The following NXPH2 variants were observed in gnomAD, a reference collection of about 807,000 sequenced individuals.
The protein encoded by NXPH2 is neurexophilin 2, also known as neurexophilin-2.
In NXPH2, 5 loss-of-function variants were observed where a neutral mutation model predicts 19.8. That is an observed-to-expected ratio of 0.25 (90% CI 0.13 to 0.53). NXPH2 has a LOEUF of 0.53. Ranked by LOEUF, NXPH2 falls within the 20% of genes least tolerant of loss-of-function variation. The pLI is 0.96. For synonymous variants in NXPH2, 154 were observed against 127.4 expected (o/e 1.21, Z -1.41); for missense variants, 289 against 322.8 (o/e 0.90, Z 0.80).
At chr2:138,679,364 C>T (rs1195840997) in intron 1 of NXPH2, among the ~76,000 whole-genome samples, 1 of 151,908 alleles carries the variant, frequency 6.6e-6, no homozygotes, top group African/African-American at 2.4e-5. Flanking sequence ...ATTGACTCTT[C>T]ACCTACGTGG....
intron 1 of NXPH2, among the ~76,000 whole-genome samples, chr2:138,707,094 CAAAAA>C (rs70982073): frequency 4.3e-4 from 15 of 34,838 alleles, no homozygotes; most frequent in South Asian, 3.1e-3. Flanking sequence ...TGCCCCATGA[CAAAAA>C]AAAAAAAAAA....
chr2:138,680,055 G>T (rs1267166506), intron 1 of NXPH2, among the ~76,000 whole-genome samples: 2 of 151,974 alleles, frequency 1.3e-5, no homozygotes, highest in African/African-American at 4.8e-5. Context: ...AAGAAAAGGA[G>T]GGGCAATGAA....
chr2:138,705,810 A>T (rs4130934), intron 1 of NXPH2, among the ~76,000 whole-genome samples: 6 of 151,890 alleles, frequency 4.0e-5, no homozygotes, highest in Non-Finnish European at 8.8e-5. Flanking sequence ...TTCATAAAAT[A>T]AACATTCATA....
chr2:138,677,992 C>T (rs1680512023), intron 1 of NXPH2, among the ~76,000 whole-genome samples: 1 of 152,188 alleles, frequency 6.6e-6, no homozygotes. Context: ...AAAGTCCATA[C>T]TTTAATTGGA....
At chr2:138,682,811 T>C (rs988027202) in intron 1 of NXPH2, among the ~76,000 whole-genome samples, 2 of 152,204 alleles carry the variant, frequency 1.3e-5, no homozygotes, top group African/African-American at 4.8e-5. Context: ...TTTATCTTGA[T>C]GACAGTAATC....
chr2:138,778,561 T>C, intron 1 of NXPH2, among the ~76,000 whole-genome samples: 1 of 152,182 alleles, frequency 6.6e-6, no homozygotes, highest in East Asian at 1.9e-4. Flanking sequence ...TCACACTGCT[T>C]ACGGAGCAGA....
intron 1 of NXPH2, among the ~76,000 whole-genome samples, chr2:138,740,832 T>C (rs1481999833): frequency 6.6e-6 from 1 of 151,540 alleles, no homozygotes; most frequent in African/African-American, 2.4e-5. Flanking sequence ...GTATTAGGTA[T>C]GAAATGGTAT....
At chr2:138,752,998 C>T (rs1427527025) in intron 1 of NXPH2, among the ~76,000 whole-genome samples, 1 of 152,114 alleles carries the variant, frequency 6.6e-6, no homozygotes, top group Non-Finnish European at 1.5e-5. Context: ...GTATGGCTGT[C>T]AGCTTTCTCC....
chr2:138,778,302 C>T (rs1682297286), intron 1 of NXPH2, among the ~76,000 whole-genome samples: 1 of 152,168 alleles, frequency 6.6e-6, no homozygotes, highest in African/African-American at 2.4e-5. Flanking sequence ...CATTACAACC[C>T]AAGCACAATC....
rs1324674208 is a variant in NXPH2 at position 138,673,643 on chromosome 2, A to ATT, written c.52-1980_52-1979dup. On this transcript the variant is annotated intron_variant, in intron 1 of 1. Coordinates refer to ENST00000272641, the MANE Select transcript of NXPH2 (RefSeq NM_007226.3). The stretch of plus-strand genomic sequence containing the variant: ...TATTTTATTTAAAAAAATGGGATTA[A>ATT]TTTTTTTTTTTTTTTGGTAGAGATG... Among the ~76,000 whole-genome samples, 77 of 142,378 alleles carry ATT rather than the reference A, an allele frequency of 5.4e-4. 1 individual carries two copies. The highest frequency in any genetic ancestry group is 1.6e-3 in the African/African-American group (63 of 38,920). 93.4% of individuals were successfully genotyped at this position (142,378 alleles called of 152,430 possible).
intron 1 of NXPH2, among the ~76,000 whole-genome samples, chr2:138,758,009 G>A (rs531787891): frequency 6.6e-6 from 1 of 152,132 alleles, no homozygotes; most frequent in Non-Finnish European, 1.5e-5. Flanking sequence ...CTGAGAATGA[G>A]AGATGGGGAA....
chr2:138,754,874 A>G (rs922737638), intron 1 of NXPH2, among the ~76,000 whole-genome samples: 1 of 152,042 alleles, frequency 6.6e-6, no homozygotes, highest in Admixed American at 6.6e-5. Flanking sequence ...CTAATCAGTA[A>G]TTGGTATTGT....
chr2:138,699,446 T>C (rs1680884060), intron 1 of NXPH2, among the ~76,000 whole-genome samples: 3 of 152,056 alleles, frequency 2.0e-5, no homozygotes, highest in Non-Finnish European at 4.4e-5. Flanking sequence ...GAATAATTCA[T>C]TAAGAATCAT....
intron 1 of NXPH2, among the ~76,000 whole-genome samples, chr2:138,779,773 C>CTAGA (rs1344766681): frequency 6.6e-6 from 1 of 152,190 alleles, no homozygotes; most frequent in African/African-American, 2.4e-5. Flanking sequence ...CTGTGTGCAT[C>CTAGA]TGGGCAAAAC....
chr2:138,670,829 A>C lies in NXPH2; in HGVS notation c.*93T>G. 2 of 1,372,950 alleles carry C rather than the reference A, an allele frequency of 1.5e-6. No individual in the cohort carries two copies. The highest frequency in any genetic ancestry group is 2.0e-6 in the Non-Finnish European group (2 of 1,016,910). The allele number at this position is 1,372,950 out of a possible 1,614,324, so 85.0% of individuals were successfully genotyped here. Reference sequence around the variant, plus strand: ...GGAACTATTGTTCACTGCCAGAAACAAAAGGGATCCTTTATCATAAAGAGC... The same window carrying C: ...GGAACTATTGTTCACTGCCAGAAACCAAAGGGATCCTTTATCATAAAGAGC... On this transcript the variant is annotated 3_prime_UTR_variant, in exon 2 of 2. Transcript: ENST00000272641.
At chr2:138,708,147 T>A (rs1681045608) in intron 1 of NXPH2, among the ~76,000 whole-genome samples, 1 of 152,206 alleles carries the variant, frequency 6.6e-6, no homozygotes, top group Non-Finnish European at 1.5e-5. Flanking sequence ...ATAAATGTGT[T>A]TAAATCACAG....
intron 1 of NXPH2, among the ~76,000 whole-genome samples, chr2:138,700,052 A>G (rs1288274909): frequency 6.6e-6 from 1 of 152,126 alleles, no homozygotes; most frequent in Non-Finnish European, 1.5e-5. Context: ...TAAGCCATGT[A>G]AGGCAAGTGA....
chr2:138,757,605 C>T (rs2104836986), intron 1 of NXPH2, among the ~76,000 whole-genome samples: 1 of 152,202 alleles, frequency 6.6e-6, no homozygotes, highest in East Asian at 1.9e-4. Context: ...ACTGCCTGCC[C>T]TGTGGAATTC....
At chr2:138,688,836 C>A (rs1304116070) in intron 1 of NXPH2, among the ~76,000 whole-genome samples, 1 of 152,124 alleles carries the variant, frequency 6.6e-6, no homozygotes, top group African/African-American at 2.4e-5. Flanking sequence ...GCCCCCCCAA[C>A]CCCCGGCCGA....
Sources: gnomAD v4.1 joint callset for allele counts (sites outside exome capture counted in the v4.1 genomes callset) on GRCh38, gnomAD v4.1.1 for gene constraint, MANE v1.5 for transcripts, NCBI Gene and HGNC (gene_info 2026-07-23, HGNC 2026-07-21) for gene names.